Variants in PDZD2 observed in about 807,000 individuals in gnomAD.
The protein encoded by PDZD2 is PDZ domain containing 2, also known as PDZ domain-containing protein 2.
A neutral mutation model predicts 220.7 loss-of-function variants in PDZD2; 90 were observed. The observed-to-expected ratio is 0.41, with a 90% confidence interval of 0.34 to 0.49. The LOEUF is 0.49. PDZD2 is among the 20% of genes least tolerant of loss of function. The pLI is 0.28. For missense variants in PDZD2, 3,174 were observed against 3,608.5 expected, an observed-to-expected ratio of 0.88 and a Z score of 3.08; for synonymous variants, 1,375 against 1,450.5, an observed-to-expected ratio of 0.95 and a Z score of 1.18.
chr5:32,067,837 T>C (rs1740350731), intron 14 of PDZD2, among the ~76,000 whole-genome samples: 2 of 152,062 alleles, frequency 1.3e-5, no homozygotes, highest in African/African-American at 4.8e-5. Flanking sequence ...CTAATAAATA[T>C]AGAAGGAATA....
intron 2 of PDZD2, among the ~76,000 whole-genome samples, chr5:31,865,777 G>T (rs1467526142): frequency 6.6e-6 from 1 of 150,470 alleles, no homozygotes; most frequent in Non-Finnish European, 1.5e-5. Context: ...GATTACAGGC[G>T]CCCACCACCA....
intron 2 of PDZD2, among the ~76,000 whole-genome samples, chr5:31,976,627 T>C (rs1749786395): frequency 6.6e-6 from 1 of 152,192 alleles, no homozygotes; most frequent in Non-Finnish European, 1.5e-5. Flanking sequence ...CTTGTGTTTA[T>C]GGCATTGTAG....
chr5:31,678,907 T>A (rs1407190314), intron 1 of PDZD2, among the ~76,000 whole-genome samples: 1 of 152,168 alleles, frequency 6.6e-6, no homozygotes, highest in Non-Finnish European at 1.5e-5. Flanking sequence ...ATGCCCAGCC[T>A]ATATTTCTTT....
At chr5:32,084,814 G>A (rs919290941) in intron 19 of PDZD2, among the ~76,000 whole-genome samples, 1 of 152,056 alleles carries the variant, frequency 6.6e-6, no homozygotes, top group Non-Finnish European at 1.5e-5. Context: ...TTATGAACAG[G>A]CACTTTCAGG....
Position 32,054,482 on chromosome 5 carries a change from C to A in PDZD2, c.1900+599C>A, listed in dbSNP as rs74454316. 9.6e-3 allele frequency among the ~76,000 whole-genome samples: 1,452 copies of A among 151,702 alleles called. 25 individuals are homozygous for A. Among genetic ancestry groups the A allele is most frequent in the African/African-American group, 0.033 (1,359 of 41,294 alleles). On this transcript the variant is annotated intron_variant, in intron 10 of 24. Coordinates refer to ENST00000438447, the MANE Select transcript of PDZD2 (RefSeq NM_178140.4). Reference sequence around the variant, plus strand: ...GGGACTATAGGTGCACACCGTCATGCCTGGCTAATTTTTGTATATTTTTGT... The same window carrying A: ...GGGACTATAGGTGCACACCGTCATGACTGGCTAATTTTTGTATATTTTTGT...
At chr5:31,921,786 CT>C (rs1554007152) in intron 2 of PDZD2, among the ~76,000 whole-genome samples, 1 of 152,080 alleles carries the variant, frequency 6.6e-6, no homozygotes, top group African/African-American at 2.4e-5. Flanking sequence ...TTTTTGCAAA[CT>C]TTTTTTCATA....
chr5:31,892,705 C>G (rs1475134305), intron 2 of PDZD2, among the ~76,000 whole-genome samples: 1 of 124,008 alleles, frequency 8.1e-6, no homozygotes, highest in African/African-American at 3.1e-5. Context: ...GTAGCTAGGT[C>G]AACAGGTGTG....
chr5:31,896,360 G>GTGTGTGTGTA (rs1741569422), intron 2 of PDZD2, among the ~76,000 whole-genome samples: 1 of 144,584 alleles, frequency 6.9e-6, no homozygotes, highest in African/African-American at 2.6e-5. Flanking sequence ...GTGTGTGTGT[G>GTGTGTGTGTA]TGTGTGTATG....
At chr5:31,797,021 G>A (rs914183838) in intron 1 of PDZD2, among the ~76,000 whole-genome samples, 2 of 149,476 alleles carry the variant, frequency 1.3e-5, no homozygotes, top group Non-Finnish European at 3.0e-5. Context: ...TCCGCTTCCC[G>A]GGTTCACGCC....
Position 32,088,635 on chromosome 5 carries a change from C to T in PDZD2, c.5187C>T (p.Asn1729=). ...CGCCCATCATTCTCAGCTCCCCCAA[C>T]ATGGTAAATGGCTTGGAACATGACC... ...HSPPIILSSP[N]MVNGLEHDLL... The change falls in exon 20 of 25, where the codon AAC becomes AAT. Residue 1729 remains asparagine, a synonymous_variant. Transcript: ENST00000438447. This position sits in a 1 kb window ranked among gnomAD's most constrained non-coding sequence, Gnocchi z 4.6. 6.2e-7 allele frequency: 1 copy of T among 1,614,058 alleles called. No individual in the cohort carries two copies. The highest frequency in any genetic ancestry group is 8.5e-7 in the Non-Finnish European group (1 of 1,179,914).
At chr5:31,880,729 G>A (rs376301454) in intron 2 of PDZD2, among the ~76,000 whole-genome samples, 6 of 150,626 alleles carry the variant, frequency 4.0e-5, no homozygotes, top group South Asian at 2.1e-4. Context: ...CAGCCAAGTC[G>A]GGTAAACATG....
intron 2 of PDZD2, among the ~76,000 whole-genome samples, chr5:31,926,871 A>G (rs936391312): frequency 1.3e-5 from 2 of 152,146 alleles, no homozygotes; most frequent in Non-Finnish European, 2.9e-5. Flanking sequence ...TATATACACC[A>G]TGAAATACGA....
At chr5:31,775,608 T>C (rs944641253) in intron 1 of PDZD2, among the ~76,000 whole-genome samples, 2 of 151,610 alleles carry the variant, frequency 1.3e-5, no homozygotes, top group African/African-American at 4.9e-5. Flanking sequence ...CCTTGTTGAA[T>C]GGGAGCTTTG....
rs768167722 is a variant in PDZD2 at position 32,091,157 on chromosome 5, G to A, written c.7709G>A (p.Arg2570Lys). The A allele has an allele frequency of 1.0e-5, 16 of 1,569,794 alleles. No homozygotes were observed. Among genetic ancestry groups the A allele is most frequent in the African/African-American group, 1.4e-5 (1 of 73,730 alleles). ...GAAGCTGCCCAGGATCTGCCTTTTA[G>A]AAGAAGCTGGTCAGTTAAGTAAGTA... is the stretch of plus-strand genomic sequence containing the variant. ...TGEAAQDLPFRRSWSVNLDQL... is the reference protein window; with the variant it reads ...TGEAAQDLPFKRSWSVNLDQL... The change falls in exon 20 of 25, where the codon AGA becomes AAA. Residue 2570 changes from arginine to lysine, a missense_variant. Arg to Lys is a conservative substitution (Grantham distance 26). Coordinates refer to ENST00000438447, the MANE Select transcript of PDZD2 (RefSeq NM_178140.4).
At chr5:31,856,862 C>T (rs1005335290) in intron 2 of PDZD2, among the ~76,000 whole-genome samples, 1 of 151,530 alleles carries the variant, frequency 6.6e-6, no homozygotes, top group Non-Finnish European at 1.5e-5. Flanking sequence ...ACTGGATTTT[C>T]ATTCCGGAAT....
intron 6 of PDZD2, among the ~76,000 whole-genome samples, chr5:32,036,519 G>A (rs1755570677): frequency 6.6e-6 from 1 of 151,982 alleles, no homozygotes. Flanking sequence ...TTAGCATGTT[G>A]GGTTTCTCTA....
intron 2 of PDZD2, among the ~76,000 whole-genome samples, chr5:31,978,684 TAGCCTGGGCGACAGAG>T (rs1750003195): frequency 7.2e-6 from 1 of 139,250 alleles, no homozygotes; most frequent in South Asian, 2.2e-4. Flanking sequence ...CGCTGCCCTC[TAGCCTGGGCGACAGAG>T]CGAGACTCCA....
intron 2 of PDZD2, among the ~76,000 whole-genome samples, chr5:31,931,346 C>T (rs780488065): frequency 8.6e-5 from 13 of 150,844 alleles, no homozygotes; most frequent in Admixed American, 2.6e-4. Context: ...TTAGTAGAGA[C>T]GGGGTTTCAC....
intron 1 of PDZD2, among the ~76,000 whole-genome samples, chr5:31,684,838 A>G (rs1226416551): frequency 6.6e-6 from 1 of 152,030 alleles, no homozygotes; most frequent in Non-Finnish European, 1.5e-5. Context: ...CATCTGTGTT[A>G]TGCTAGTTTT....
Sources: allele counts gnomAD v4.1 joint callset (sites outside exome capture counted in the v4.1 genomes callset), GRCh38; gene constraint gnomAD v4.1.1; non-coding constraint Gnocchi (gnomAD v3.1); transcripts MANE v1.5; gene names NCBI Gene and HGNC (gene_info 2026-07-23, HGNC 2026-07-21).